DENND1B: variants seen among roughly 807,000 people sequenced by gnomAD.
DENND1B encodes DENN domain-containing protein 1B.
A neutral mutation model predicts 90.1 loss-of-function variants in DENND1B; 59 were observed. The ratio of observed to expected loss-of-function variants is 0.65; its 90% CI spans 0.53 to 0.81. DENND1B has a LOEUF of 0.81. DENND1B is among the 40% of genes least tolerant of loss of function. The probability of loss-of-function intolerance (pLI) is 0.00; values close to 1 mark genes in which losing one functional copy is unlikely to be tolerated. For synonymous variants in DENND1B, 337 were observed against 324.6 expected, an observed-to-expected ratio of 1.04 and a Z score of -0.41; for missense variants, 862 against 912.6, an observed-to-expected ratio of 0.94 and a Z score of 0.71.
At chr1:197,770,781 T>C (rs1482580430) in intron 2 of DENND1B, among the ~76,000 whole-genome samples, 1 of 141,752 alleles carries the variant, frequency 7.1e-6, no homozygotes, top group Non-Finnish European at 1.5e-5. Context: ...TCTATAAATA[T>C]ATAAATATAT....
chr1:197,583,328 G>A (rs1674408208), intron 14 of DENND1B, 75 bp from the exon 15 acceptor site: 2 of 1,350,278 alleles, frequency 1.5e-6, no homozygotes, highest in Admixed American at 1.8e-5. Flanking sequence ...AAATAGGTAT[G>A]TGAAGAGTGA....
chr1:197,737,956 G>A (rs1352604238), intron 2 of DENND1B, among the ~76,000 whole-genome samples: 1 of 152,126 alleles, frequency 6.6e-6, no homozygotes, highest in Non-Finnish European at 1.5e-5. Flanking sequence ...AAAGGAGAGG[G>A]TAACATAGAT....
intron 2 of DENND1B, among the ~76,000 whole-genome samples, chr1:197,723,486 A>G (rs1661367973): frequency 6.6e-6 from 1 of 152,182 alleles, no homozygotes; most frequent in Non-Finnish European, 1.5e-5. Context: ...GCTGTACCAC[A>G]GATGTTCAAT....
chr1:197,539,859 T>C, intron 20 of DENND1B, 105 bp downstream of exon 20: 1 of 941,730 alleles, frequency 1.1e-6, no homozygotes, highest in South Asian at 1.5e-5. Flanking sequence ...CTGCAGGTTT[T>C]CATATAAGAT....
chr1:197,576,144 C>G (rs753076488), intron 15 of DENND1B, among the ~76,000 whole-genome samples: 66 of 151,558 alleles, frequency 4.4e-4, no homozygotes, highest in Non-Finnish European at 6.2e-4. Context: ...ACAGAATGAT[C>G]AATGTAAGAG....
chr1:197,731,060 T>C (rs1371897633), intron 2 of DENND1B, among the ~76,000 whole-genome samples: 1 of 152,130 alleles, frequency 6.6e-6, no homozygotes. Flanking sequence ...GGGAGGATAC[T>C]GGCTACTAGA....
intron 15 of DENND1B, among the ~76,000 whole-genome samples, chr1:197,572,475 C>T (rs894524087): frequency 2.0e-5 from 3 of 152,238 alleles, no homozygotes; most frequent in African/African-American, 7.2e-5. Flanking sequence ...ATAGACTCCA[C>T]CTCTGTGGGC....
At chr1:197,528,453 TA>T (rs1320202616) in intron 20 of DENND1B, among the ~76,000 whole-genome samples, 2 of 152,224 alleles carry the variant, frequency 1.3e-5, no homozygotes, top group African/African-American at 4.8e-5. Flanking sequence ...TAGAATGTTT[TA>T]TAAACCATTA....
intron 4 of DENND1B, 37 bp downstream of exon 4, chr1:197,674,083 G>A: frequency 7.0e-7 from 1 of 1,421,846 alleles, no homozygotes; most frequent in South Asian, 1.3e-5. Context: ...TGTACTATAA[G>A]AATCTACATT....
intron 20 of DENND1B, among the ~76,000 whole-genome samples, chr1:197,528,858 C>A (rs138390016): frequency 1.1e-3 from 154 of 135,862 alleles, no homozygotes; most frequent in South Asian, 2.4e-3. Context: ...AGACTCATCT[C>A]AAAAAAAAAA....
chr1:197,556,904 A>G (rs1364873626), intron 15 of DENND1B, among the ~76,000 whole-genome samples: 2 of 151,974 alleles, frequency 1.3e-5, no homozygotes, highest in South Asian at 2.1e-4. Flanking sequence ...TTTCACATGT[A>G]TGCATCTTCA....
rs187862421 is a variant in DENND1B at position 197,701,225 on chromosome 1, T to C, written c.126+13806A>G. 4.6e-5 allele frequency among the ~76,000 whole-genome samples: 7 copies of C among 152,320 alleles called. 1 individual carries two copies. The highest frequency in any genetic ancestry group is 3.3e-4 in the Admixed American group (5 of 15,292). On this transcript the variant is annotated intron_variant, in intron 3 of 22. Coordinates refer to ENST00000620048, the MANE Select transcript of DENND1B (RefSeq NM_001195215.2). ...CTGGATAAAGAAAATGTGGTACATA[T>C]ACACCATGGAATACTATACTGCCAT...
At chr1:197,636,871 T>G (rs1679842456) in intron 10 of DENND1B, among the ~76,000 whole-genome samples, 3 of 151,998 alleles carry the variant, frequency 2.0e-5, no homozygotes, top group African/African-American at 4.8e-5. Flanking sequence ...GGAGGAGTGA[T>G]TCACCAAATT....
intron 2 of DENND1B, among the ~76,000 whole-genome samples, chr1:197,772,169 G>C (rs1415401700): frequency 6.6e-6 from 1 of 152,098 alleles, no homozygotes; most frequent in Non-Finnish European, 1.5e-5. Flanking sequence ...GTTTCCATTG[G>C]TACTAGCAGG....
chr1:197,535,813 T>C (rs1437132376), intron 20 of DENND1B, among the ~76,000 whole-genome samples: 1 of 152,162 alleles, frequency 6.6e-6, no homozygotes, highest in African/African-American at 2.4e-5. Flanking sequence ...CTGGTCCAAG[T>C]GAGCTGATTA....
Position 197,586,792 on chromosome 1 carries a change from A to G in DENND1B, c.1048-3539T>C, listed in dbSNP as rs530733381. 5.3e-5 allele frequency among the ~76,000 whole-genome samples: 8 copies of G among 152,340 alleles called. No individual in the cohort carries two copies. The South Asian group carries it at 1.4e-3, about 28-fold the overall frequency. On this transcript the variant is annotated intron_variant, in intron 14 of 22. Transcript: ENST00000620048. ...AAAGTCAAGCAAGAACATGGTCTCAACTGGAGACAAGCTTCAGCCGAATCC... is the reference window on the plus strand; with the variant it reads ...AAAGTCAAGCAAGAACATGGTCTCAGCTGGAGACAAGCTTCAGCCGAATCC...
Position 197,775,380 on chromosome 1 carries a change from C to T in DENND1B, c.-225G>A. 1.5e-5 allele frequency: 5 copies of T among 332,194 alleles called. No homozygotes were observed. Among genetic ancestry groups the T allele is most frequent in the Non-Finnish European group, 2.7e-5 (5 of 184,074 alleles). The allele number at this position is 332,194 out of a possible 1,614,324, so 20.6% of individuals were successfully genotyped here. A position where few individuals can be genotyped will look rare whatever the true frequency, so the allele number is the denominator to read the frequency against. ...AGCCTTTCTGTGACAGCAGCGGTGG[C>T]GTGGCCGCCGCCCCCGTCTCCGCCG... is the stretch of plus-strand genomic sequence containing the variant. On this transcript the variant is annotated 5_prime_UTR_variant, in exon 1 of 23. Coordinates refer to ENST00000620048, the MANE Select transcript of DENND1B (RefSeq NM_001195215.2).
At chr1:197,602,951 T>C (rs553511392) in intron 13 of DENND1B, among the ~76,000 whole-genome samples, 47 of 151,370 alleles carry the variant, frequency 3.1e-4, no homozygotes, top group Admixed American at 5.9e-4. Flanking sequence ...CTCCTTCTTA[T>C]GATTCCTGAA....
rs377748301 is a variant in DENND1B at position 197,539,951 on chromosome 1, T to C, written c.1515+13A>G. On this transcript the variant is annotated intron_variant, in intron 20 of 22. Coordinates refer to ENST00000620048, the MANE Select transcript of DENND1B (RefSeq NM_001195215.2). ...AGAATGTGGGGGAATGAAGGGTAAATAACCTTACTTACCTGAGCAAGCTTA... is the reference window on the plus strand; with the variant it reads ...AGAATGTGGGGGAATGAAGGGTAAACAACCTTACTTACCTGAGCAAGCTTA... 4 of 1,585,600 alleles carry C rather than the reference T, an allele frequency of 2.5e-6. No homozygotes were observed. In the African/African-American group the frequency reaches 5.4e-5, roughly 21 times the overall value.
Sources: gnomAD v4.1 joint callset for allele counts (sites outside exome capture counted in the v4.1 genomes callset) on GRCh38, gnomAD v4.1.1 for gene constraint, MANE v1.5 for transcripts, NCBI Gene and HGNC (gene_info 2026-07-23, HGNC 2026-07-21) for gene names.